Variants in LRR1 observed in about 807,000 individuals in gnomAD.
LRR1 encodes the protein leucine-rich repeat protein 1.
A neutral mutation model predicts 31.6 loss-of-function variants in LRR1; 29 were observed. The ratio of observed to expected loss-of-function variants is 0.92; its 90% CI spans 0.68 to 1.25. The LOEUF is 1.25. Ranked by LOEUF, LRR1 falls within the 50% of genes most tolerant of loss-of-function variation. The pLI is 0.00. For synonymous variants in LRR1, 179 were observed against 181.4 expected (o/e 0.99, Z 0.10); for missense variants, 485 against 487.2 (o/e 1.00, Z 0.04).
intron 3 of LRR1, among the ~76,000 whole-genome samples, chr14:49,609,217 CTTTTTTTTTTTTTT>C (rs746422046): frequency 1.3e-5 from 1 of 76,906 alleles, no homozygotes; most frequent in Non-Finnish European, 2.6e-5. Context: ...ACACCTGGCC[CTTTTTTTTTTTTTT>C]TTTTTTTTTT....
intron 3 of LRR1, among the ~76,000 whole-genome samples, chr14:49,609,509 A>G (rs1014676344): frequency 8.6e-5 from 13 of 150,964 alleles, no homozygotes; most frequent in Non-Finnish European, 1.9e-4. Context: ...AGTTCGAGCG[A>G]TTCTCCTGCT....
chr14:49,608,555 T>C (rs937308529), intron 3 of LRR1, among the ~76,000 whole-genome samples: 4 of 151,674 alleles, frequency 2.6e-5, no homozygotes, highest in African/African-American at 4.8e-5. Flanking sequence ...GATGTTGTTT[T>C]ATTCTCCACT....
At chr14:49,611,861 T>A (rs1187449079) in intron 3 of LRR1, among the ~76,000 whole-genome samples, 1 of 150,808 alleles carries the variant, frequency 6.6e-6, no homozygotes, top group Non-Finnish European at 1.5e-5. Context: ...GAGGTTGAGG[T>A]TGTAGTGAGC....
At chr14:49,612,522 G>A in intron 3 of LRR1, 1 of 1,239,928 alleles carries the variant, frequency 8.1e-7, no homozygotes, top group Non-Finnish European at 1.0e-6. Flanking sequence ...ACACTCCCTG[G>A]CAGAGTTTTT....
chr14:49,603,796 C>T (rs1179635153), intron 2 of LRR1, among the ~76,000 whole-genome samples: 2 of 144,184 alleles, frequency 1.4e-5, no homozygotes, highest in Non-Finnish European at 3.0e-5. Flanking sequence ...CGGGTTCAAG[C>T]GATTCTCCTG....
chr14:49,614,507 C>G lies in LRR1; in HGVS notation c.*11C>G. On this transcript the variant is annotated 3_prime_UTR_variant, in exon 4 of 4. Coordinates refer to ENST00000298288, the MANE Select transcript of LRR1 (RefSeq NM_152329.4). ...GATATGTTAAAGTAATGGGTGAGAC[C>G]AGAAAAAGAAATTTCAATAACAGAT... 6.2e-7 allele frequency: 1 copy of G among 1,612,754 alleles called. No individual in the cohort carries two copies. The highest frequency in any genetic ancestry group is 8.5e-7 in the Non-Finnish European group (1 of 1,179,554).
Position 49,598,992 on chromosome 14 carries a change from G to C in LRR1, c.-29G>C, listed in dbSNP as rs371940926. 2.1e-5 allele frequency: 34 copies of C among 1,586,796 alleles called. No homozygotes were observed. In the African/African-American group the frequency reaches 4.2e-4, roughly 19 times the overall value. The stretch of plus-strand genomic sequence containing the variant: ...CGGGAAGGAGGAAGTTTCAAAGCCA[G>C]CTTGACGTGGTTGTGGCCGTTGGGC... On this transcript the variant is annotated 5_prime_UTR_variant, in exon 1 of 4. Coordinates refer to ENST00000298288, the MANE Select transcript of LRR1 (RefSeq NM_152329.4).
At chr14:49,599,952 C>G in intron 1 of LRR1, 1 of 1,508,750 alleles carries the variant, frequency 6.6e-7, no homozygotes. Flanking sequence ...GGGGCGGGGG[C>G]TCCGGGGGGA....
At chr14:49,610,093 C>A (rs1353984678) in intron 3 of LRR1, among the ~76,000 whole-genome samples, 1 of 152,084 alleles carries the variant, frequency 6.6e-6, no homozygotes, top group Non-Finnish European at 1.5e-5. Context: ...GAATAATACC[C>A]ACCTTATAGA....
At chr14:49,612,486 AAG>A in intron 3 of LRR1, 1 of 1,262,446 alleles carries the variant, frequency 7.9e-7, no homozygotes, top group Non-Finnish European at 1.0e-6. Flanking sequence ...ATCTATCCGA[AAG>A]AGATTAATGT....
intron 2 of LRR1, among the ~76,000 whole-genome samples, chr14:49,604,136 C>G (rs551706893): frequency 1.3e-5 from 2 of 148,724 alleles, no homozygotes; most frequent in Admixed American, 1.3e-4. Flanking sequence ...AACCCTGTCT[C>G]CACAAAAAAA....
At chr14:49,610,720 G>A (rs1026689407) in intron 3 of LRR1, among the ~76,000 whole-genome samples, 1 of 150,964 alleles carries the variant, frequency 6.6e-6, no homozygotes, top group Non-Finnish European at 1.5e-5. Flanking sequence ...CCATGACCAT[G>A]GCCGGCTAAA....
At chr14:49,601,689 A>G in intron 1 of LRR1, 3 of 1,289,390 alleles carry the variant, frequency 2.3e-6, no homozygotes, top group South Asian at 1.2e-5. Context: ...ACAGTTACAT[A>G]GTTGGAATGG....
At position 49,608,119 on chromosome 14, in the gene LRR1, T is replaced by C; in HGVS notation, c.1002T>C (p.Asn334=). 1 of 1,551,418 alleles carries C rather than the reference T, an allele frequency of 6.4e-7. No individual in the cohort carries two copies. The highest frequency in any genetic ancestry group is 8.7e-7 in the Non-Finnish European group (1 of 1,155,544). ...CTTCTGCACGAACCATATTACATAA[T>C]AGGTAAGATTTTAATAGTCATGTAA... ...LESSARTILH[N]RIPYGSHIIP... The change falls in exon 3 of 4, where the codon AAT becomes AAC. Residue 334 remains asparagine, a splice_region_variant and synonymous_variant. Transcript: ENST00000298288.
intron 1 of LRR1, among the ~76,000 whole-genome samples, chr14:49,601,853 C>T (rs1205967286): frequency 2.0e-5 from 3 of 151,004 alleles, no homozygotes; most frequent in Non-Finnish European, 4.4e-5. Flanking sequence ...TAAAACTTGG[C>T]CACGCGCCGT....
At chr14:49,600,887 C>T (rs4127814) in intron 1 of LRR1, 657,549 of 1,291,726 alleles carry the variant, frequency 0.51, 172,578 homozygotes, top group Non-Finnish European at 0.54. Flanking sequence ...AAGCTACAAT[C>T]ACATCATGTT....
intron 2 of LRR1, among the ~76,000 whole-genome samples, chr14:49,605,640 G>GT (rs1882252288): frequency 6.6e-6 from 1 of 152,110 alleles, no homozygotes; most frequent in South Asian, 2.1e-4. Context: ...TTTACCTTCA[G>GT]TTTTCTTAGT....
At chr14:49,601,514 A>G in intron 1 of LRR1, 2 of 805,784 alleles carry the variant, frequency 2.5e-6, no homozygotes, top group Non-Finnish European at 3.7e-6. Flanking sequence ...TTTTTTGAGC[A>G]CTCATTATGT....
At position 49,608,043 on chromosome 14, in the gene LRR1, C is replaced by A; in HGVS notation, c.926C>A (p.Pro309Gln). Reference sequence around the variant, plus strand: ...CTTTTTGGAAATACTTTTGAACAACCAAAAGTCCTTCCAGTAATAAAGCTG... The same window carrying A: ...CTTTTTGGAAATACTTTTGAACAACAAAAAGTCCTTCCAGTAATAAAGCTG... ...LDLFGNTFEQ[P>Q]KVLPVIKLQA... Residue 309 changes from proline to glutamine, a missense_variant, in exon 3 of 4, where the codon CCA becomes CAA. Around this residue, in one of 3 missense-constraint regions of LRR1, gnomAD observed 210 missense variants for 200.4 expected, o/e 1.05. Coordinates refer to ENST00000298288, the MANE Select transcript of LRR1 (RefSeq NM_152329.4). The A allele has an allele frequency of 1.2e-6, 2 of 1,611,986 alleles. No homozygotes were observed. Among genetic ancestry groups the A allele is most frequent in the South Asian group, 2.2e-5 (2 of 90,784 alleles).
Sources: gnomAD v4.1 joint callset for allele counts (sites outside exome capture counted in the v4.1 genomes callset) on GRCh38, gnomAD v4.1.1 for gene constraint, gnomAD v4.1.1 regional missense constraint, MANE v1.5 for transcripts, NCBI Gene and HGNC (gene_info 2026-07-23, HGNC 2026-07-21) for gene names.